Variants in PRPF6 observed in about 807,000 individuals in gnomAD.
PRPF6 encodes the protein pre-mRNA-processing factor 6.
PRPF6 carries 42 observed loss-of-function variants against 118.3 expected under a neutral mutation model. The observed-to-expected ratio is 0.35, with a 90% CI of 0.28 to 0.46. PRPF6 has a LOEUF of 0.46. PRPF6 is among the 20% of genes least tolerant of loss of function. The pLI is 1.00. For synonymous variants in PRPF6, 481 were observed against 485.1 expected (o/e 0.99, Z 0.11); for missense variants, 662 against 1,255.7 (o/e 0.53, Z 7.15).
At chr20:63,999,530 G>T (rs1371027620) in intron 7 of PRPF6, 73 bp from the exon 8 acceptor site, 61 of 1,578,514 alleles carry the variant, frequency 3.9e-5, no homozygotes, top group Non-Finnish European at 5.0e-5. Context: ...TGTGAAGTGG[G>T]TGCCCTCATC....
intron 8 of PRPF6, among the ~76,000 whole-genome samples, chr20:64,000,097 G>A (rs138917177): frequency 6.6e-6 from 1 of 151,910 alleles, no homozygotes; most frequent in South Asian, 2.1e-4. Flanking sequence ...CACTATAGGC[G>A]CCCGCCACCA....
rs969889250 is a variant in PRPF6 at position 63,983,741 on chromosome 20, G to T, written c.240+526G>T. Among the ~76,000 whole-genome samples, 3 of 146,880 alleles carry T rather than the reference G, an allele frequency of 2.0e-5. No individual in the cohort carries two copies. The Admixed American group carries it at 2.1e-4, about 10-fold the overall frequency. On this transcript the variant is annotated intron_variant, in intron 2 of 20. Transcript: ENST00000266079. ...GTGATCTCAGCTCACTGTGACCTCTGCCTCCCCATTTCAAGCGATTCTCCT... is the reference window on the plus strand; with the variant it reads ...GTGATCTCAGCTCACTGTGACCTCTTCCTCCCCATTTCAAGCGATTCTCCT...
Position 63,983,172 on chromosome 20 carries a change from C to CT in PRPF6, c.198dup (p.Asp67Ter). 6.2e-7 allele frequency: 1 copy of CT among 1,614,184 alleles called. No homozygotes were observed. Among genetic ancestry groups the CT allele is most frequent in the Non-Finnish European group, 8.5e-7 (1 of 1,180,040 alleles). ...GACCAGATGAAGAAAAATCAGGCTGCTGACGATGACGACGAGGATCTAAAT... is the reference window on the plus strand; with the variant it reads ...GACCAGATGAAGAAAAATCAGGCTGCTTGACGATGACGACGAGGATCTAAAT... On this transcript the variant is annotated frameshift_variant, in exon 2 of 21. Transcript: ENST00000266079. LOFTEE classifies it high-confidence loss of function.
At chr20:64,010,449 C>A in intron 10 of PRPF6, 131 bp downstream of exon 10, 1 of 783,236 alleles carries the variant, frequency 1.3e-6, no homozygotes, top group Non-Finnish European at 2.2e-6. Context: ...GAGCAGAAGG[C>A]CCTGTGGAAC....
chr20:64,003,273 TAA>T (rs769043976), intron 9 of PRPF6, among the ~76,000 whole-genome samples: 10 of 152,148 alleles, frequency 6.6e-5, no homozygotes, highest in Non-Finnish European at 1.3e-4. Flanking sequence ...CTAGGAAAAA[TAA>T]AGTGTATTTT....
At position 64,032,917 on chromosome 20, in the gene PRPF6, A is replaced by G; in HGVS notation, c.2750A>G (p.Lys917Arg). 3 of 1,613,408 alleles carry G rather than the reference A, an allele frequency of 1.9e-6. No homozygotes were observed. Among genetic ancestry groups the G allele is most frequent in the Non-Finnish European group, 2.5e-6 (3 of 1,180,032 alleles). ...GGGGAGCTGTGGTGCGCCGTGTCCAAGGACATCGCCAACTGGCAGAAGAAG... is the reference window on the plus strand; with the variant it reads ...GGGGAGCTGTGGTGCGCCGTGTCCAGGGACATCGCCAACTGGCAGAAGAAG... ...RHGELWCAVS[K>R]DIANWQKKIG... The change falls in exon 21 of 21, where the codon AAG becomes AGG. Residue 917 changes from lysine to arginine, a missense_variant. This residue lies in a region of PRPF6 where 244 missense variants were observed against 383.7 expected (regional missense o/e 0.64). Coordinates refer to ENST00000266079, the MANE Select transcript of PRPF6 (RefSeq NM_012469.4).
At chr20:63,990,873 C>T (rs2059115730) in intron 3 of PRPF6, among the ~76,000 whole-genome samples, 1 of 151,970 alleles carries the variant, frequency 6.6e-6, no homozygotes, top group Non-Finnish European at 1.5e-5. Context: ...CCAGGCTGGT[C>T]TTGAACTCCT....
At chr20:63,992,232 G>T (rs2059121912) in intron 3 of PRPF6, among the ~76,000 whole-genome samples, 1 of 151,996 alleles carries the variant, frequency 6.6e-6, no homozygotes, top group Non-Finnish European at 1.5e-5. Flanking sequence ...GATTACAGGT[G>T]CCCACCACCA....
At chr20:64,008,577 G>A (rs764022585) in intron 9 of PRPF6, among the ~76,000 whole-genome samples, 2 of 152,136 alleles carry the variant, frequency 1.3e-5, no homozygotes, top group African/African-American at 4.8e-5. Context: ...ACCCGTGCCC[G>A]CATCTGTTCC....
intron 9 of PRPF6, among the ~76,000 whole-genome samples, chr20:64,006,110 AC>A (rs765844336): frequency 1.3e-5 from 2 of 152,014 alleles, no homozygotes; most frequent in African/African-American, 4.8e-5. Flanking sequence ...GTTCCCATTA[AC>A]TTTTACTGGT....
chr20:64,027,781 C>T lies in PRPF6; in HGVS notation c.2339+45C>T. ...GCCTGGCCTCTGGGCACAGCTTCCC[C>T]ATCAGGTGGGCCGCCGTCACCCAGC... is the stretch of plus-strand genomic sequence containing the variant. On this transcript the variant is annotated intron_variant, in intron 17 of 20. Coordinates refer to ENST00000266079, the MANE Select transcript of PRPF6 (RefSeq NM_012469.4). The surrounding 1 kb of genome is among the most constrained non-coding windows in gnomAD (Gnocchi z 6.5). 6.2e-7 allele frequency: 1 copy of T among 1,612,154 alleles called. No individual in the cohort carries two copies. The highest frequency in any genetic ancestry group is 8.5e-7 in the Non-Finnish European group (1 of 1,179,648).
At chr20:64,017,456 C>A in intron 12 of PRPF6, among the ~76,000 whole-genome samples, 1 of 150,378 alleles carries the variant, frequency 6.6e-6, no homozygotes, top group Non-Finnish European at 1.5e-5. Context: ...AGCCGCCCTG[C>A]CCGGCCTCCC....
chr20:64,023,140 G>A (rs1203982632), intron 13 of PRPF6, among the ~76,000 whole-genome samples: 1 of 152,230 alleles, frequency 6.6e-6, no homozygotes, highest in Non-Finnish European at 1.5e-5. Flanking sequence ...TAAGTGTCCT[G>A]TAGCCTGAGG....
Position 63,993,225 on chromosome 20 carries a change from A to AT in PRPF6, c.360-182_360-181insT, listed in dbSNP as rs574743022. Reference sequence around the variant, plus strand: ...AGCAAGACTCCATCTCAAAAAAAAAAATGTGTGTGTGTGTGTGTGTGTGTG... The same window carrying AT: ...AGCAAGACTCCATCTCAAAAAAAAAATATGTGTGTGTGTGTGTGTGTGTGTG... On this transcript the variant is annotated intron_variant, in intron 3 of 20. Transcript: ENST00000266079. Among the ~76,000 whole-genome samples, 61 of 102,978 alleles carry AT rather than the reference A, an allele frequency of 5.9e-4. 1 individual carries two copies. The South Asian group carries it at 0.013, about 21-fold the overall frequency. The allele number at this position is 102,978 out of a possible 152,430, so 67.6% of individuals were successfully genotyped here. A position where few individuals can be genotyped will look rare whatever the true frequency, so the allele number is the denominator to read the frequency against.
In PRPF6 at chr20:64,028,446, G is replaced by A; in HGVS notation, c.2340-32G>A. On this transcript the variant is annotated intron_variant, in intron 17 of 20. Coordinates refer to ENST00000266079, the MANE Select transcript of PRPF6 (RefSeq NM_012469.4). This position sits in a 1 kb window ranked among gnomAD's most constrained non-coding sequence, Gnocchi z 6.5. ...CCAGAATATGTGCTGTTGGTAGACG[G>A]CTGTGGGACCTCCGGGGGCCTGTCT... 1 of 1,611,086 alleles carries A rather than the reference G, an allele frequency of 6.2e-7. No homozygotes were observed. Among genetic ancestry groups the A allele is most frequent in the Non-Finnish European group, 8.5e-7 (1 of 1,177,636 alleles).
intron 3 of PRPF6, among the ~76,000 whole-genome samples, chr20:63,986,894 T>C (rs1194833938): frequency 6.6e-6 from 1 of 150,544 alleles, no homozygotes; most frequent in East Asian, 2.0e-4. Context: ...TCAGGCTGGG[T>C]GTGGTGGCTC....
chr20:64,020,276 T>G (rs2059256809), intron 12 of PRPF6, among the ~76,000 whole-genome samples: 1 of 151,972 alleles, frequency 6.6e-6, no homozygotes, highest in Non-Finnish European at 1.5e-5. Flanking sequence ...ATTAGCTGGG[T>G]GTGGTGGCAG....
chr20:64,017,142 C>T (rs1322836064), intron 12 of PRPF6, among the ~76,000 whole-genome samples: 3 of 152,218 alleles, frequency 2.0e-5, no homozygotes, highest in Non-Finnish European at 4.4e-5. Context: ...CGGGGTTTCA[C>T]CGTGTTAGCC....
At chr20:63,997,445 C>G (rs1377480458) in intron 6 of PRPF6, among the ~76,000 whole-genome samples, 10 of 150,302 alleles carry the variant, frequency 6.7e-5, no homozygotes, top group Non-Finnish European at 1.3e-4. Flanking sequence ...TGTGCACCAC[C>G]AAGCCCAGCT....
Sources: gnomAD v4.1 joint callset for allele counts (sites outside exome capture counted in the v4.1 genomes callset) on GRCh38, gnomAD v4.1.1 for gene constraint, gnomAD v4.1.1 regional missense constraint, Gnocchi (gnomAD v3.1) non-coding constraint, MANE v1.5 for transcripts, NCBI Gene and HGNC (gene_info 2026-07-23, HGNC 2026-07-21) for gene names.